ZNF385D: variants seen among roughly 807,000 people sequenced by gnomAD.
ZNF385D encodes zinc finger protein 385D.
In ZNF385D, 15 loss-of-function variants were observed where a neutral mutation model predicts 35.8. The ratio of observed to expected loss-of-function variants is 0.42; its 90% CI spans 0.28 to 0.64. The LOEUF is 0.64. Ranked by LOEUF, ZNF385D falls within the 30% of genes least tolerant of loss-of-function variation. ZNF385D has a pLI of 0.23. For synonymous variants in ZNF385D, 212 were observed against 186.8 expected, an observed-to-expected ratio of 1.13 and a Z score of -1.10; for missense variants, 474 against 494.6, an observed-to-expected ratio of 0.96 and a Z score of 0.39.
At chr3:21,518,656 T>A (rs1459963220) in intron 3 of ZNF385D, among the ~76,000 whole-genome samples, 3 of 152,190 alleles carry the variant, frequency 2.0e-5, no homozygotes, top group Non-Finnish European at 4.4e-5. Flanking sequence ...TTTTTCCTTA[T>A]ATACTTATGG....
At chr3:21,887,564 G>T (rs76090111) in intron 3 of ZNF385D, among the ~76,000 whole-genome samples, 2,613 of 152,104 alleles carry the variant, frequency 0.017, 78 homozygotes, top group African/African-American at 0.058. Flanking sequence ...GAGGCAAATG[G>T]TAACAACATA....
chr3:21,945,981 T>G (rs1352880283), intron 3 of ZNF385D, among the ~76,000 whole-genome samples: 1 of 152,210 alleles, frequency 6.6e-6, no homozygotes, highest in Non-Finnish European at 1.5e-5. Flanking sequence ...GAACTTAAGC[T>G]GAACTCAGTA....
chr3:22,319,636 A>AT (rs2125442667), intron 2 of ZNF385D, among the ~76,000 whole-genome samples: 1 of 152,226 alleles, frequency 6.6e-6, no homozygotes, highest in South Asian at 2.1e-4. Flanking sequence ...TAGTTTGTGA[A>AT]TCCCTGAACA....
intron 3 of ZNF385D, among the ~76,000 whole-genome samples, chr3:22,042,329 T>C (rs1417761639): frequency 2.6e-5 from 4 of 152,132 alleles, no homozygotes; most frequent in African/African-American, 9.7e-5. Context: ...ATGGCCCATA[T>C]TAAGTGCCCA....
intron 3 of ZNF385D, among the ~76,000 whole-genome samples, chr3:21,801,503 TTATC>T (rs1422463083): frequency 2.6e-5 from 4 of 152,268 alleles, no homozygotes; most frequent in East Asian, 1.9e-4. Flanking sequence ...CTTTATCTTT[TTATC>T]TATCTATTTT....
At chr3:22,100,512 G>T (rs377344251) in intron 3 of ZNF385D, among the ~76,000 whole-genome samples, 2 of 151,960 alleles carry the variant, frequency 1.3e-5, no homozygotes, top group African/African-American at 4.8e-5. Context: ...CCATAAAAAA[G>T]GATGAGTTCA....
chr3:21,659,436 T>C (rs1410983265), intron 2 of ZNF385D, among the ~76,000 whole-genome samples: 1 of 152,126 alleles, frequency 6.6e-6, no homozygotes, highest in East Asian at 1.9e-4. Flanking sequence ...TAAAATTTCA[T>C]AGAAAAATGT....
Position 21,614,876 on chromosome 3 carries a change from C to T in ZNF385D, c.165+50010G>A, listed in dbSNP as rs113289221. Among the ~76,000 whole-genome samples, 346 of 152,292 alleles carry T rather than the reference C, an allele frequency of 2.3e-3. 1 individual carries two copies. The highest frequency in any genetic ancestry group is 3.8e-3 in the Non-Finnish European group (258 of 68,034). On this transcript the variant is annotated intron_variant, in intron 2 of 7. Transcript: ENST00000281523. Reference sequence around the variant, plus strand: ...TGCTGGGATTACAGGCATAAGCCATCGTGCCCGGCCCCTGAAGTACAGTTT... The same window carrying T: ...TGCTGGGATTACAGGCATAAGCCATTGTGCCCGGCCCCTGAAGTACAGTTT...
chr3:22,151,902 G>A (rs1442978475), intron 3 of ZNF385D, among the ~76,000 whole-genome samples: 1 of 152,036 alleles, frequency 6.6e-6, no homozygotes, highest in Non-Finnish European at 1.5e-5. Flanking sequence ...AGGTTATATA[G>A]GTAAACTGGG....
At chr3:21,981,373 G>C (rs1014962559) in intron 3 of ZNF385D, among the ~76,000 whole-genome samples, 2 of 152,068 alleles carry the variant, frequency 1.3e-5, no homozygotes, top group African/African-American at 2.4e-5. Context: ...GTCTTCTTTT[G>C]AGAAGTGTCT....
chr3:21,748,803 C>T (rs949572647), intron 1 of ZNF385D, among the ~76,000 whole-genome samples: 3 of 152,116 alleles, frequency 2.0e-5, no homozygotes, highest in Non-Finnish European at 4.4e-5. Flanking sequence ...TATGTGTGTG[C>T]GTACATACAT....
At chr3:22,188,121 G>C (rs967625110) in intron 2 of ZNF385D, among the ~76,000 whole-genome samples, 2 of 152,178 alleles carry the variant, frequency 1.3e-5, no homozygotes, top group African/African-American at 4.8e-5. Flanking sequence ...TTAAGAGGCA[G>C]AAACCTAATT....
chr3:22,064,613 A>G (rs1699839155), intron 3 of ZNF385D, among the ~76,000 whole-genome samples: 1 of 152,232 alleles, frequency 6.6e-6, no homozygotes, highest in East Asian at 1.9e-4. Flanking sequence ...ACCTTATAAA[A>G]GGAGGAAATC....
At chr3:21,792,636 A>C (rs1045292647) in intron 3 of ZNF385D, among the ~76,000 whole-genome samples, 4 of 152,124 alleles carry the variant, frequency 2.6e-5, no homozygotes, top group Non-Finnish European at 5.9e-5. Flanking sequence ...CCCGAAGCAG[A>C]TGTCCAGGGG....
At chr3:21,874,148 A>C (rs1380356904) in intron 3 of ZNF385D, among the ~76,000 whole-genome samples, 1 of 151,990 alleles carries the variant, frequency 6.6e-6, no homozygotes, top group Non-Finnish European at 1.5e-5. Context: ...TATTCTTGCT[A>C]TCACTTCTTC....
At chr3:22,236,037 G>T (rs13082189) in intron 2 of ZNF385D, among the ~76,000 whole-genome samples, 27,869 of 152,018 alleles carry the variant, frequency 0.18, 2,788 homozygotes, top group African/African-American at 0.23. Flanking sequence ...AACATTGATT[G>T]TAACAGCAAG....
intron 3 of ZNF385D, among the ~76,000 whole-genome samples, chr3:21,823,564 A>G (rs1043299229): frequency 3.3e-5 from 5 of 152,204 alleles, no homozygotes; most frequent in Non-Finnish European, 7.3e-5. Context: ...CTGGGGATGA[A>G]GTCAAGCGTT....
At chr3:21,555,083 A>C (rs9849669) in intron 3 of ZNF385D, among the ~76,000 whole-genome samples, 2,740 of 152,310 alleles carry the variant, frequency 0.018, 70 homozygotes, top group African/African-American at 0.062. Flanking sequence ...CGCTTGGCAC[A>C]AGAGGCCTAG....
At chr3:22,083,478 T>C (rs1288169673) in intron 3 of ZNF385D, among the ~76,000 whole-genome samples, 1 of 152,090 alleles carries the variant, frequency 6.6e-6, no homozygotes, top group East Asian at 1.9e-4. Flanking sequence ...GAAGAAAGGG[T>C]ATCAGTGATG....
Sources: gnomAD v4.1 joint callset for allele counts (sites outside exome capture counted in the v4.1 genomes callset) on GRCh38, gnomAD v4.1.1 for gene constraint, MANE v1.5 for transcripts, NCBI Gene and HGNC (gene_info 2026-07-23, HGNC 2026-07-21) for gene names.